FER1L6: variants seen among roughly 807,000 people sequenced by gnomAD.
FER1L6 encodes fer-1 like family member 6.
In FER1L6, 177 loss-of-function variants were observed where a neutral mutation model predicts 219.2. The observed-to-expected ratio is 0.81, with a 90% confidence interval of 0.71 to 0.91. FER1L6 has a LOEUF of 0.91. FER1L6 is among the 40% of genes least tolerant of loss of function. FER1L6 has a pLI of 0.00. For missense variants in FER1L6, 2,153 were observed against 2,259.9 expected, an observed-to-expected ratio of 0.95 and a Z score of 0.96; for synonymous variants, 768 against 824.3, an observed-to-expected ratio of 0.93 and a Z score of 1.17.
Position 123,973,521 on chromosome 8 carries a change from A to G in FER1L6, c.526+9A>G, listed in dbSNP as rs1362359052. The G allele has an allele frequency of 3.7e-6, 6 of 1,602,838 alleles. No homozygotes were observed. The African/African-American group carries it at 6.7e-5, about 18-fold the overall frequency. ...CGTGTACAACCAACCTGGTAAGAAA[A>G]CATCACCTCCCCATCTGTATCTCAC... On this transcript the variant is annotated intron_variant, in intron 7 of 40. Transcript: ENST00000522917.
Position 123,980,806 on chromosome 8 carries a change from C to T in FER1L6, c.1405C>T (p.Pro469Ser). The T allele has an allele frequency of 6.2e-7, 1 of 1,612,460 alleles. No homozygotes were observed. Among genetic ancestry groups the T allele is most frequent in the Non-Finnish European group, 8.5e-7 (1 of 1,179,258 alleles). ...EVEVESFDVP[P>S]EIVPEKNEEF... is the part of the protein sequence containing the mutation. ...GGAGGTGGAATCGTTCGATGTCCCCCCGGAGGTAGGTCTAGGCACTGCATT... is the reference window on the plus strand; with the variant it reads ...GGAGGTGGAATCGTTCGATGTCCCCTCGGAGGTAGGTCTAGGCACTGCATT... Residue 469 changes from proline to serine, a missense_variant, in exon 11 of 41, where the codon CCG (proline) becomes TCG (serine). By Grantham distance (74) the Pro-to-Ser change is moderately conservative. Transcript: ENST00000522917.
intron 1 of FER1L6, among the ~76,000 whole-genome samples, chr8:123,854,456 A>G (rs1024393743): frequency 1.1e-4 from 16 of 152,134 alleles, no homozygotes; most frequent in Non-Finnish European, 2.1e-4. Context: ...GCTGTGTAGC[A>G]TGTCAACTCA....
chr8:123,866,923 T>A (rs1816848044), intron 1 of FER1L6, among the ~76,000 whole-genome samples: 1 of 152,198 alleles, frequency 6.6e-6, no homozygotes, highest in South Asian at 2.1e-4. Flanking sequence ...CTGACCAGGT[T>A]ATTTGTTTTT....
chr8:123,933,125 T>C (rs2129933168), intron 1 of FER1L6, among the ~76,000 whole-genome samples: 1 of 152,324 alleles, frequency 6.6e-6, no homozygotes, highest in East Asian at 1.9e-4. Flanking sequence ...GCAAATGGTG[T>C]AGGTCTGGCT....
chr8:123,908,159 A>G (rs2129758522), intron 1 of FER1L6, among the ~76,000 whole-genome samples: 1 of 152,362 alleles, frequency 6.6e-6, no homozygotes, highest in South Asian at 2.1e-4. Context: ...AGTAACTCAT[A>G]AAAAATGTAA....
chr8:123,861,878 G>T (rs1816751673), intron 1 of FER1L6, among the ~76,000 whole-genome samples: 1 of 131,436 alleles, frequency 7.6e-6, no homozygotes, highest in Non-Finnish European at 1.6e-5. Flanking sequence ...GAGATTTGGG[G>T]CTGAGACGAT....
At chr8:123,866,360 A>G (rs1175002391) in intron 1 of FER1L6, among the ~76,000 whole-genome samples, 4 of 151,854 alleles carry the variant, frequency 2.6e-5, no homozygotes, top group Non-Finnish European at 5.9e-5. Context: ...GTATATATAT[A>G]CACACTACAT....
At chr8:123,943,012 G>A (rs1814325520) in intron 1 of FER1L6, among the ~76,000 whole-genome samples, 1 of 152,146 alleles carries the variant, frequency 6.6e-6, no homozygotes, top group Admixed American at 6.5e-5. Context: ...AGGCTTCTGG[G>A]CCAGGTGGCC....
At chr8:123,869,258 C>T (rs61210597) in intron 1 of FER1L6, among the ~76,000 whole-genome samples, 3,254 of 152,190 alleles carry the variant, frequency 0.021, 107 homozygotes, top group African/African-American at 0.074. Context: ...TATGATCTCC[C>T]TTGTTTTCTT....
At chr8:124,054,779 T>A (rs767527595) in intron 22 of FER1L6, among the ~76,000 whole-genome samples, 1 of 152,160 alleles carries the variant, frequency 6.6e-6, no homozygotes, top group Non-Finnish European at 1.5e-5. Flanking sequence ...GGGAAGGCGA[T>A]GAGGCCAGTG....
intron 34 of FER1L6, among the ~76,000 whole-genome samples, chr8:124,094,436 CCTTA>C (rs888700231): frequency 2.6e-5 from 4 of 152,016 alleles, no homozygotes; most frequent in Non-Finnish European, 5.9e-5. Context: ...CTCTTTCCAT[CCTTA>C]CTTTTTTCTT....
At chr8:124,020,663 G>T (rs180957242) in intron 16 of FER1L6, among the ~76,000 whole-genome samples, 1 of 152,286 alleles carries the variant, frequency 6.6e-6, no homozygotes, top group Admixed American at 6.5e-5. Context: ...TAAGCATGTA[G>T]ACTCTGGATG....
At chr8:124,061,737 C>A in intron 24 of FER1L6, 115 bp from the exon 25 acceptor site, 1 of 991,814 alleles carries the variant, frequency 1.0e-6, no homozygotes, top group Non-Finnish European at 1.5e-6. Context: ...GCAGGACTGG[C>A]CAGGAGGGAC....
intron 20 of FER1L6, among the ~76,000 whole-genome samples, chr8:124,040,988 C>G (rs1186068761): frequency 6.6e-6 from 1 of 152,202 alleles, no homozygotes; most frequent in Non-Finnish European, 1.5e-5. Flanking sequence ...GTCTTTCTCC[C>G]TATCCTATAC....
chr8:124,013,286 C>T (rs1818027237), intron 14 of FER1L6, 145 bp from the exon 15 acceptor site: 1 of 473,134 alleles, frequency 2.1e-6, no homozygotes, highest in Non-Finnish European at 3.7e-6. Context: ...TTTTCCAATT[C>T]AAGTACAAGA....
At chr8:123,948,655 T>C (rs1339925693) in intron 1 of FER1L6, among the ~76,000 whole-genome samples, 2 of 152,210 alleles carry the variant, frequency 1.3e-5, no homozygotes, top group Non-Finnish European at 2.9e-5. Flanking sequence ...CTGACTTTTA[T>C]ATATTGACTT....
intron 1 of FER1L6, among the ~76,000 whole-genome samples, chr8:123,865,552 G>A (rs1240613069): frequency 2.6e-5 from 4 of 151,474 alleles, no homozygotes; most frequent in African/African-American, 9.8e-5. Context: ...AAGCAAGCCT[G>A]GGCAATGGCG....
intron 1 of FER1L6, among the ~76,000 whole-genome samples, chr8:123,869,447 T>G (rs1307624859): frequency 6.6e-6 from 1 of 152,166 alleles, no homozygotes; most frequent in East Asian, 1.9e-4. Context: ...AGCTCATAAT[T>G]TCTACTTTTT....
At chr8:124,059,872 T>TAA (rs1820479504) in intron 22 of FER1L6, among the ~76,000 whole-genome samples, 2 of 152,268 alleles carry the variant, frequency 1.3e-5, no homozygotes, top group South Asian at 4.1e-4. Flanking sequence ...CTTGTGTAAT[T>TAA]TTATTAAGTT....
Sources: gnomAD v4.1 joint callset for allele counts (sites outside exome capture counted in the v4.1 genomes callset) on GRCh38, gnomAD v4.1.1 for gene constraint, MANE v1.5 for transcripts, NCBI Gene and HGNC (gene_info 2026-07-23, HGNC 2026-07-21) for gene names.